SMYD3: variants seen among roughly 807,000 people sequenced by gnomAD.
SMYD3 encodes histone-lysine N-methyltransferase SMYD3.
A neutral mutation model predicts 57.7 loss-of-function variants in SMYD3; 36 were observed. The observed-to-expected ratio is 0.62, with a 90% CI of 0.48 to 0.82. SMYD3 has a LOEUF of 0.82. SMYD3 is among the 40% of genes least tolerant of loss of function. The probability of loss-of-function intolerance (pLI) is 0.00; values close to 1 mark genes in which losing one functional copy is unlikely to be tolerated. For missense variants in SMYD3, 515 were observed against 538.8 expected (o/e 0.96, Z 0.44); for synonymous variants, 211 against 195.0 (o/e 1.08, Z -0.68).
intron 5 of SMYD3, among the ~76,000 whole-genome samples, chr1:246,222,439 A>AT (rs1452901872): frequency 1.3e-5 from 2 of 151,992 alleles, no homozygotes; most frequent in East Asian, 3.9e-4. Flanking sequence ...AGCTGTGTAA[A>AT]CTTAAACAAG....
chr1:246,503,694 G>A (rs10924758), intron 1 of SMYD3, among the ~76,000 whole-genome samples: 23,409 of 152,112 alleles, frequency 0.15, 1,902 homozygotes, highest in Non-Finnish European at 0.18. Context: ...CGGGGACAGC[G>A]GCTCACGCCT....
intron 1 of SMYD3, among the ~76,000 whole-genome samples, chr1:246,502,614 T>G (rs1407450645): frequency 3.3e-5 from 5 of 152,126 alleles, no homozygotes; most frequent in Non-Finnish European, 7.4e-5. Context: ...TTACCCGGGC[T>G]GGTTTAAATG....
chr1:246,413,405 A>C (rs2067008169), intron 1 of SMYD3, among the ~76,000 whole-genome samples: 2 of 152,224 alleles, frequency 1.3e-5, no homozygotes, highest in Admixed American at 1.3e-4. Context: ...AATTTTTATC[A>C]GTAAAGATTA....
intron 8 of SMYD3, among the ~76,000 whole-genome samples, chr1:245,878,237 A>C (rs2052593740): frequency 6.6e-6 from 1 of 152,232 alleles, no homozygotes; most frequent in South Asian, 2.1e-4. Context: ...AACAGGAAAC[A>C]ATGGTTAGAG....
chr1:246,245,412 T>G (rs533921293), intron 5 of SMYD3, among the ~76,000 whole-genome samples: 8,945 of 152,036 alleles, frequency 0.059, 426 homozygotes, highest in African/African-American at 0.12. Context: ...CACTGTACTC[T>G]AGCCTGGGTG....
chr1:246,345,578 C>G (rs1046946926), intron 2 of SMYD3, among the ~76,000 whole-genome samples: 1 of 152,142 alleles, frequency 6.6e-6, no homozygotes, highest in Non-Finnish European at 1.5e-5. Flanking sequence ...CATGCTGGTG[C>G]TTAAAATGTT....
intron 5 of SMYD3, among the ~76,000 whole-genome samples, chr1:246,205,434 G>A (rs2062984659): frequency 6.6e-6 from 1 of 152,172 alleles, no homozygotes; most frequent in South Asian, 2.1e-4. Flanking sequence ...CTCGCCACAG[G>A]AAAAGCACAA....
At chr1:246,297,475 G>T (rs1299688460) in intron 5 of SMYD3, among the ~76,000 whole-genome samples, 1 of 152,090 alleles carries the variant, frequency 6.6e-6, no homozygotes, top group South Asian at 2.1e-4. Context: ...ACGCATCCAA[G>T]AATTTGTCTT....
At chr1:245,828,340 G>T (rs2049623539) in intron 10 of SMYD3, among the ~76,000 whole-genome samples, 1 of 152,140 alleles carries the variant, frequency 6.6e-6, no homozygotes, top group African/African-American at 2.4e-5. Flanking sequence ...AAAATGAAAT[G>T]ACACCTTCTA....
intron 5 of SMYD3, among the ~76,000 whole-genome samples, chr1:246,238,814 C>A (rs2063552966): frequency 6.6e-6 from 1 of 151,150 alleles, no homozygotes; most frequent in African/African-American, 2.4e-5. Context: ...ATTTGAGTAT[C>A]TTTCTATCAC....
intron 1 of SMYD3, among the ~76,000 whole-genome samples, chr1:246,470,388 C>A (rs145813812): frequency 0.015 from 2,248 of 151,846 alleles, 81 homozygotes; most frequent in Admixed American, 0.087. Flanking sequence ...CCCAGCTACT[C>A]AGGAGGCCGA....
intron 5 of SMYD3, among the ~76,000 whole-genome samples, chr1:246,182,503 T>G (rs561718661): frequency 6.6e-5 from 10 of 150,696 alleles, no homozygotes; most frequent in Admixed American, 2.6e-4. Context: ...GGTAGCCACT[T>G]TCATGCAAAG....
intron 5 of SMYD3, among the ~76,000 whole-genome samples, chr1:246,006,891 A>G (rs1398437507): frequency 6.6e-6 from 1 of 152,210 alleles, no homozygotes; most frequent in African/African-American, 2.4e-5. Flanking sequence ...ATGAAAACCA[A>G]TTAGCACTAT....
At chr1:246,076,921 T>C (rs565050026) in intron 5 of SMYD3, among the ~76,000 whole-genome samples, 1 of 152,294 alleles carries the variant, frequency 6.6e-6, no homozygotes, top group South Asian at 2.1e-4. Flanking sequence ...ATAATAGATA[T>C]AAAACAAAGC....
chr1:246,471,681 A>G (rs1045309939), intron 1 of SMYD3, among the ~76,000 whole-genome samples: 11 of 152,274 alleles, frequency 7.2e-5, no homozygotes, highest in African/African-American at 2.7e-4. Flanking sequence ...CGCTCTGCTT[A>G]CTGTTCCACT....
At chr1:246,112,386 T>C (rs1291417073) in intron 5 of SMYD3, among the ~76,000 whole-genome samples, 1 of 152,234 alleles carries the variant, frequency 6.6e-6, no homozygotes, top group Admixed American at 6.5e-5. Flanking sequence ...TGGTAAGATA[T>C]TCTTATAAAT....
Position 246,338,173 on chromosome 1 carries a change from T to C in SMYD3, c.229-2699A>G, listed in dbSNP as rs537445438. On this transcript the variant is annotated intron_variant, in intron 2 of 11. Transcript: ENST00000490107. ...AATTGGTCTGTAATATGGTACCACA[T>C]ATCAGCCCATTCCTTTTCTTTTTAA... Among the ~76,000 whole-genome samples, 144 of 152,326 alleles carry C rather than the reference T, an allele frequency of 9.5e-4. 1 individual carries two copies. Among genetic ancestry groups the C allele is most frequent in the African/African-American group, 3.4e-3 (140 of 41,574 alleles).
In SMYD3 at chr1:246,150,587, T is replaced by A. The variant is rs575952584; in HGVS notation, c.531+176614A>T. On this transcript the variant is annotated intron_variant, in intron 5 of 11. Coordinates refer to ENST00000490107, the MANE Select transcript of SMYD3 (RefSeq NM_001167740.2). ...TACTGTACTAATGTTTCTGTCTGCA[T>A]AAAGCACAAGAATAGCCTATATGGA... 4.6e-5 allele frequency among the ~76,000 whole-genome samples: 7 copies of A among 152,340 alleles called. 1 individual carries two copies. The highest frequency in any genetic ancestry group is 6.8e-3 in the Middle Eastern group (2 of 294).
intron 1 of SMYD3, among the ~76,000 whole-genome samples, chr1:246,474,936 G>A (rs2068008477): frequency 6.6e-6 from 1 of 152,192 alleles, no homozygotes; most frequent in South Asian, 2.1e-4. Context: ...TGTGCTATCA[G>A]ATTAAGGAGG....
Sources: allele counts gnomAD v4.1 joint callset (sites outside exome capture counted in the v4.1 genomes callset), GRCh38; gene constraint gnomAD v4.1.1; transcripts MANE v1.5; gene names NCBI Gene and HGNC (gene_info 2026-07-23, HGNC 2026-07-21).